Variants in SETBP1 observed in about 807,000 individuals in gnomAD.
The protein encoded by SETBP1 is SET binding protein 1.
Under a neutral mutation model 101.0 loss-of-function variants are expected in SETBP1, and 9 were observed. That is an observed-to-expected ratio of 0.09 (90% CI 0.05 to 0.16). The LOEUF (loss-of-function observed/expected upper bound fraction) is 0.16. Ranked by LOEUF, SETBP1 falls within the 10% of genes least tolerant of loss-of-function variation. The pLI, the probability that SETBP1 is intolerant of heterozygous loss-of-function variation, is 1.00. For synonymous variants in SETBP1, 818 were observed against 788.5 expected (o/e 1.04, Z -0.63); for missense variants, 1,858 against 2,033.8 (o/e 0.91, Z 1.66).
intron 5 of SETBP1, among the ~76,000 whole-genome samples, chr18:45,039,584 G>A (rs549526802): frequency 2.6e-5 from 4 of 152,240 alleles, no homozygotes; most frequent in East Asian, 1.9e-4. Context: ...AGAGTCAACC[G>A]TTTAGATTCT....
intron 2 of SETBP1, among the ~76,000 whole-genome samples, chr18:44,793,303 A>G (rs1254812472): frequency 6.6e-6 from 1 of 152,178 alleles, no homozygotes; most frequent in Admixed American, 6.5e-5. Context: ...GTTTGTTAAT[A>G]ATAGAGATGC....
intron 2 of SETBP1, among the ~76,000 whole-genome samples, chr18:44,794,776 A>G (rs985708277): frequency 6.6e-6 from 1 of 152,168 alleles, no homozygotes; most frequent in Admixed American, 6.5e-5. Context: ...AATAAATGGT[A>G]TTGGGTAGGG....
intron 2 of SETBP1, among the ~76,000 whole-genome samples, chr18:44,799,010 A>C (rs2071542013): frequency 6.6e-6 from 1 of 152,138 alleles, no homozygotes. Flanking sequence ...TGAATCAATC[A>C]ATTATTTGCT....
chr18:44,927,140 C>A (rs564052637), intron 3 of SETBP1, among the ~76,000 whole-genome samples: 1 of 152,152 alleles, frequency 6.6e-6, no homozygotes, highest in Non-Finnish European at 1.5e-5. Context: ...GGGTCTCCAA[C>A]GTCCTTCACA....
In SETBP1 at chr18:44,960,761, T is replaced by C. The variant is rs528778448; in HGVS notation, c.4000+7421T>C. 8.5e-5 allele frequency among the ~76,000 whole-genome samples: 13 copies of C among 152,306 alleles called. 1 individual carries two copies. In the South Asian group the frequency reaches 1.5e-3, roughly 17 times the overall value. On this transcript the variant is annotated intron_variant, in intron 4 of 5. Transcript: ENST00000649279. Reference sequence around the variant, plus strand: ...GGGCAAACTTACCTCATCTCTGTACTCTTCATGCTGTGTTGTAATTATTCA... The same window carrying C: ...GGGCAAACTTACCTCATCTCTGTACCCTTCATGCTGTGTTGTAATTATTCA...
At chr18:44,832,950 G>A (rs911509114) in intron 2 of SETBP1, among the ~76,000 whole-genome samples, 7 of 152,230 alleles carry the variant, frequency 4.6e-5, no homozygotes, top group African/African-American at 1.7e-4. Flanking sequence ...GCACCTTAGA[G>A]CATAGTCTCA....
intron 4 of SETBP1, chr18:44,986,911 A>G (rs576335622): frequency 8.0e-5 from 6 of 74,876 alleles, no homozygotes; most frequent in Non-Finnish European, 1.7e-4. Context: ...ATAGTATAGT[A>G]TAGTATAGTA....
At chr18:45,008,307 G>A (rs540713895) in intron 4 of SETBP1, among the ~76,000 whole-genome samples, 27 of 152,272 alleles carry the variant, frequency 1.8e-4, no homozygotes, top group African/African-American at 6.3e-4. Context: ...CTGACCAGAA[G>A]CCGAGTTTTG....
At chr18:44,748,037 C>T (rs2070298466) in intron 2 of SETBP1, among the ~76,000 whole-genome samples, 1 of 152,200 alleles carries the variant, frequency 6.6e-6, no homozygotes, top group Non-Finnish European at 1.5e-5. Context: ...GGGAGGCTGG[C>T]AGTACCCTGA....
intron 2 of SETBP1, among the ~76,000 whole-genome samples, chr18:44,715,197 T>C (rs2069436305): frequency 6.6e-6 from 1 of 152,206 alleles, no homozygotes; most frequent in Non-Finnish European, 1.5e-5. Flanking sequence ...TTCTGCTGCT[T>C]GGCCCTGGCT....
At chr18:44,696,330 C>T (rs905602029) in intron 1 of SETBP1, among the ~76,000 whole-genome samples, 1 of 152,086 alleles carries the variant, frequency 6.6e-6, no homozygotes, top group African/African-American at 2.4e-5. Flanking sequence ...AGACCAGGCA[C>T]AGTCTAAGGC....
intron 2 of SETBP1, among the ~76,000 whole-genome samples, chr18:44,818,740 G>A (rs2072037459): frequency 8.1e-6 from 1 of 122,730 alleles, no homozygotes; most frequent in African/African-American, 3.0e-5. Context: ...GAAAAGAAAA[G>A]ACACGCACAC....
Position 44,989,887 on chromosome 18 carries a change from AAAAAAAAAAAAAAAAAAAAAT to A in SETBP1, c.4000+36548_4000+36568del, listed in dbSNP as rs1422941966. Among the ~76,000 whole-genome samples, 22 of 125,418 alleles carry A rather than the reference AAAAAAAAAAAAAAAAAAAAAT, an allele frequency of 1.8e-4. 1 individual carries two copies. Among genetic ancestry groups the A allele is most frequent in the Middle Eastern group, 3.7e-3 (1 of 270 alleles). The allele number at this position is 125,418 out of a possible 152,430, so 82.3% of individuals were successfully genotyped here. A position where few individuals can be genotyped will look rare whatever the true frequency, so the allele number is the denominator to read the frequency against. ...CCGTCTCAAAAAAAAAAAAAAAAAA[AAAAAAAAAAAAAAAAAAAAAT>A]TTATCTAAGTGGACACACTGTAATC... On this transcript the variant is annotated intron_variant, in intron 4 of 5. Coordinates refer to ENST00000649279, the MANE Select transcript of SETBP1 (RefSeq NM_015559.3).
chr18:45,019,679 G>A (rs886380907), intron 4 of SETBP1, among the ~76,000 whole-genome samples: 4 of 151,932 alleles, frequency 2.6e-5, no homozygotes, highest in Non-Finnish European at 4.4e-5. Context: ...GTCAGAATTG[G>A]TATTTTTTTT....
chr18:44,747,036 A>G (rs942935759), intron 2 of SETBP1, among the ~76,000 whole-genome samples: 1 of 152,240 alleles, frequency 6.6e-6, no homozygotes, highest in Admixed American at 6.5e-5. Context: ...AGTTAGTCAC[A>G]TGCCAGCCCC....
intron 1 of SETBP1, among the ~76,000 whole-genome samples, chr18:44,696,396 G>A (rs114906696): frequency 2.0e-5 from 3 of 152,158 alleles, no homozygotes; most frequent in Non-Finnish European, 2.9e-5. Flanking sequence ...AAAAGCTGGC[G>A]TGTTGGGTCC....
At chr18:44,757,684 A>G (rs2070530922) in intron 2 of SETBP1, among the ~76,000 whole-genome samples, 1 of 152,236 alleles carries the variant, frequency 6.6e-6, no homozygotes, top group African/African-American at 2.4e-5. Flanking sequence ...GGAAATATTT[A>G]GCAGATAATG....
intron 2 of SETBP1, among the ~76,000 whole-genome samples, chr18:44,756,840 C>A (rs1347518218): frequency 2.0e-5 from 3 of 152,032 alleles, no homozygotes; most frequent in Non-Finnish European, 4.4e-5. Flanking sequence ...AACTTGGCAC[C>A]CCTCTATGTG....
At chr18:44,963,970 AAGAGATCCATGAAAAAAAAACAAAAG>A (rs34290790) in intron 4 of SETBP1, among the ~76,000 whole-genome samples, 32,494 of 149,674 alleles carry the variant, frequency 0.22, 3,843 homozygotes, top group East Asian at 0.54. Flanking sequence ...GCAAGTCATT[AAGAGATCCATGAAAAAAAAACAAAAG>A]AGAGATCCAT....
Sources: gnomAD v4.1 joint callset for allele counts (sites outside exome capture counted in the v4.1 genomes callset) on GRCh38, gnomAD v4.1.1 for gene constraint, MANE v1.5 for transcripts, NCBI Gene and HGNC (gene_info 2026-07-23, HGNC 2026-07-21) for gene names.